The following TFAP2A variants were observed in gnomAD, a reference collection of about 807,000 sequenced individuals.
TFAP2A encodes transcription factor AP-2-alpha.
TFAP2A carries 7 observed loss-of-function variants against 41.5 expected under a neutral mutation model. The ratio of observed to expected loss-of-function variants is 0.17; its 90% CI spans 0.10 to 0.32. The LOEUF (loss-of-function observed/expected upper bound fraction) is 0.32. Ranked by LOEUF, TFAP2A falls within the 10% of genes least tolerant of loss-of-function variation. The pLI, the probability that TFAP2A is intolerant of heterozygous loss-of-function variation, is 1.00. For synonymous variants in TFAP2A, 247 were observed against 242.8 expected, an observed-to-expected ratio of 1.02 and a Z score of -0.16; for missense variants, 416 against 563.3, an observed-to-expected ratio of 0.74 and a Z score of 2.65.
Position 10,409,883 on chromosome 6 carries a change from G to C in TFAP2A, c.486+18C>G. ...AGGGGGCTGTGTTCCCTCCCGCGCT[G>C]GTTGCGCGGCCTCTTACCGGGACCT... On this transcript the variant is annotated intron_variant, in intron 2 of 6. Transcript: ENST00000379613. 1 of 1,547,980 alleles carries C rather than the reference G, an allele frequency of 6.5e-7. No individual in the cohort carries two copies. Among genetic ancestry groups the C allele is most frequent in the Middle Eastern group, 1.7e-4 (1 of 5,984 alleles).
Position 10,411,633 on chromosome 6 carries a change from AAAAC to A in TFAP2A, c.52-1302_52-1299del, listed in dbSNP as rs1757974840. On this transcript the variant is annotated intron_variant, in intron 1 of 6. Transcript: ENST00000379613. ...CTGGGGTAACGAGTCAGGGTGGAAA[AAAAC>A]AAGCAAGCCTGGAGCGCCCGGCTGC... The A allele has an allele frequency of 6.2e-6, 10 of 1,613,570 alleles. No homozygotes were observed. In the East Asian group the frequency reaches 2.0e-4, roughly 32 times the overall value.
At position 10,410,342 on chromosome 6, in the gene TFAP2A, G is replaced by C; in HGVS notation, c.52-7C>G. 6.2e-7 allele frequency: 1 copy of C among 1,607,200 alleles called. No individual in the cohort carries two copies. The highest frequency in any genetic ancestry group is 8.5e-7 in the Non-Finnish European group (1 of 1,177,370). On this transcript the variant is annotated splice_region_variant and splice_polypyrimidine_tract_variant and intron_variant, in intron 1 of 6. Transcript: ENST00000379613. ...TGGTGCCGTCGTGACGGTCCTAGAA[G>C]AGAGCGAGAGGAAAGGTAAAGAACA...
intron 6 of TFAP2A, among the ~76,000 whole-genome samples, chr6:10,399,574 G>T (rs1301509704): frequency 6.6e-6 from 1 of 152,200 alleles, no homozygotes; most frequent in Non-Finnish European, 1.5e-5. Context: ...GGCCTGGGGG[G>T]CTGGGGAGGG....
At position 10,402,485 on chromosome 6, in the gene TFAP2A, C is replaced by T. The variant is rs767132116; in HGVS notation, c.889+7G>A. 5 of 1,600,856 alleles carry T rather than the reference C, an allele frequency of 3.1e-6. No individual in the cohort carries two copies. The highest frequency in any genetic ancestry group is 2.2e-5 in the East Asian group (1 of 44,824). ...GTTCCTTCTAGTTAGCAAGTGGATT[C>T]GCTTACCCTCTACTAGTGATGTGAG... is the stretch of plus-strand genomic sequence containing the variant. On this transcript the variant is annotated splice_region_variant and intron_variant, in intron 5 of 6. Transcript: ENST00000379613.
Position 10,400,410 on chromosome 6 carries a change from A to G in TFAP2A, c.1031+38T>C, listed in dbSNP as rs942016989. ...GATTTTTGTTTCTCTTTCTCTTGAC[A>G]ACGAGACACAGAGACCCCATAGAGG... On this transcript the variant is annotated intron_variant, in intron 6 of 6. Transcript: ENST00000379613. The G allele has an allele frequency of 8.1e-6, 13 of 1,613,966 alleles. No individual in the cohort carries two copies. In the African/African-American group the frequency reaches 1.7e-4, roughly 22 times the overall value.
chr6:10,404,237 G>A (rs575988182), intron 4 of TFAP2A, among the ~76,000 whole-genome samples: 2 of 152,334 alleles, frequency 1.3e-5, no homozygotes, highest in Admixed American at 6.5e-5. Flanking sequence ...CGGAGCGGAG[G>A]ACTCCGCGAG....
intron 5 of TFAP2A, among the ~76,000 whole-genome samples, chr6:10,401,228 A>G (rs1761993451): frequency 6.6e-6 from 1 of 152,228 alleles, no homozygotes; most frequent in Non-Finnish European, 1.5e-5. Flanking sequence ...AATGGAGCGG[A>G]TCACAAACAA....
rs780216169 is a variant in TFAP2A at position 10,410,280 on chromosome 6, A to C, written c.107T>G (p.Val36Gly). Residue 36 changes from valine (V) to glycine (G), a missense_variant, in exon 2 of 7, where the codon GTA (valine) becomes GGA (glycine). Transcript: ENST00000379613. ...GGCGCTCGTGTAGGGAGATTGACCT[A>C]CAGTGCCCAGCTGGGGCAACCGTGC... is the stretch of plus-strand genomic sequence containing the variant. ...GTARLPQLGT[V>G]GQSPYTSAPP... The C allele has an allele frequency of 9.9e-6, 16 of 1,612,212 alleles. No homozygotes were observed. Among genetic ancestry groups the C allele is most frequent in the Admixed American group, 1.7e-5 (1 of 59,892 alleles).
intron 4 of TFAP2A, among the ~76,000 whole-genome samples, chr6:10,403,986 GACA>G (rs1757547552): frequency 6.6e-6 from 1 of 152,168 alleles, no homozygotes; most frequent in Non-Finnish European, 1.5e-5. Context: ...GACTCAAGAG[GACA>G]ACCATTCTCT....
chr6:10,414,104 C>G (rs1371630930), intron 1 of TFAP2A, among the ~76,000 whole-genome samples: 2 of 152,242 alleles, frequency 1.3e-5, no homozygotes, highest in East Asian at 3.9e-4. Flanking sequence ...GCTCTGTCGG[C>G]CCAGCGGGCT....
chr6:10,412,156 T>G, intron 1 of TFAP2A: 1 of 989,316 alleles, frequency 1.0e-6, no homozygotes, highest in Non-Finnish European at 1.2e-6. Context: ...GGAGTCTCAG[T>G]GTAGCAAATC....
chr6:10,408,470 A>C (rs1397585527), intron 2 of TFAP2A, among the ~76,000 whole-genome samples: 2 of 152,250 alleles, frequency 1.3e-5, no homozygotes, highest in African/African-American at 4.8e-5. Context: ...TCAAAGAACA[A>C]GCAAGGAAAA....
At chr6:10,407,198 C>T (rs1309277644) in intron 2 of TFAP2A, 1 of 300,646 alleles carries the variant, frequency 3.3e-6, no homozygotes, top group Non-Finnish European at 6.4e-6. Flanking sequence ...ATTGGCGCCT[C>T]AGCGGCTTCT....
intron 1 of TFAP2A, chr6:10,412,131 T>G (rs1016278986): frequency 1.9e-5 from 19 of 994,720 alleles, no homozygotes; most frequent in Non-Finnish European, 2.3e-5. Flanking sequence ...CGGCTCTCAA[T>G]GCAGTCCATT....
At chr6:10,418,618 C>G (rs1758324002), upstream of TFAP2A, 1 of 152,352 alleles carries the variant, frequency 6.6e-6, no homozygotes, top group Non-Finnish European at 1.5e-5. Context: ...CTTCCTTGGC[C>G]AGGGTCGGAA....
intron 1 of TFAP2A, 142 bp downstream of exon 1, chr6:10,414,799 C>T: frequency 8.8e-7 from 1 of 1,136,316 alleles, no homozygotes; most frequent in Non-Finnish European, 1.3e-6. Context: ...GTTCTTCGGG[C>T]GAATCCGAGG....
intron 2 of TFAP2A, 170 bp from the exon 3 acceptor site, chr6:10,407,014 CA>C: frequency 1.5e-6 from 1 of 659,862 alleles, no homozygotes; most frequent in Non-Finnish European, 2.7e-6. Flanking sequence ...TGGGGCTTTG[CA>C]ACTCAAGAGG....
At chr6:10,414,910 G>A in intron 1 of TFAP2A, 31 bp downstream of exon 1, 1 of 1,613,866 alleles carries the variant, frequency 6.2e-7, no homozygotes, top group South Asian at 1.1e-5. Context: ...GCCTGTGACC[G>A]CACGGATGAT....
chr6:10,412,284 G>T (rs1758008600), intron 1 of TFAP2A: 1 of 987,134 alleles, frequency 1.0e-6, no homozygotes, highest in Admixed American at 6.1e-5. Context: ...CATTTTAAAA[G>T]GTTGCAGGGC....
Sources: gnomAD v4.1 joint callset for allele counts (sites outside exome capture counted in the v4.1 genomes callset) on GRCh38, gnomAD v4.1.1 for gene constraint, MANE v1.5 for transcripts, NCBI Gene and HGNC (gene_info 2026-07-23, HGNC 2026-07-21) for gene names.